Variants in GABRB1 observed in about 807,000 individuals in gnomAD.
GABRB1 encodes gamma-aminobutyric acid type A receptor subunit beta1.
In GABRB1, 17 loss-of-function variants were observed where a neutral mutation model predicts 51.6. That is an observed-to-expected ratio of 0.33 (90% CI 0.23 to 0.49). The LOEUF is 0.49. Ranked by LOEUF, GABRB1 falls within the 20% of genes least tolerant of loss-of-function variation. The pLI, the probability that GABRB1 is intolerant of heterozygous loss-of-function variation, is 0.99. For synonymous variants in GABRB1, 247 were observed against 218.9 expected (o/e 1.13, Z -1.14); for missense variants, 410 against 600.6 (o/e 0.68, Z 3.32).
chr4:47,072,369 A>G (rs1393350597), intron 3 of GABRB1, among the ~76,000 whole-genome samples: 2 of 152,138 alleles, frequency 1.3e-5, no homozygotes, highest in African/African-American at 4.8e-5. Context: ...GTTAGAGTTT[A>G]ATATTTTATA....
chr4:47,326,863 C>G (rs182206843), intron 5 of GABRB1, among the ~76,000 whole-genome samples: 2 of 152,158 alleles, frequency 1.3e-5, no homozygotes, highest in Non-Finnish European at 2.9e-5. Flanking sequence ...ACTGAGACAT[C>G]TATATCATAG....
intron 8 of GABRB1, among the ~76,000 whole-genome samples, chr4:47,413,680 T>C (rs1332347867): frequency 6.6e-6 from 1 of 152,228 alleles, no homozygotes; most frequent in Non-Finnish European, 1.5e-5. Context: ...CACTGGAGCA[T>C]AGAGTGGCCT....
At chr4:47,136,525 A>AT (rs35423493) in intron 3 of GABRB1, among the ~76,000 whole-genome samples, 62,202 of 151,634 alleles carry the variant, frequency 0.41, 13,268 homozygotes, top group African/African-American at 0.51. Context: ...ATTAAAAAAA[A>AT]ATATATAAAA....
chr4:47,028,619 C>T (rs1403708538), upstream of GABRB1, among the ~76,000 whole-genome samples: 1 of 151,324 alleles, frequency 6.6e-6, no homozygotes, highest in Non-Finnish European at 1.5e-5. Flanking sequence ...ACCCACATAT[C>T]ATGTTGTGGC....
intron 4 of GABRB1, among the ~76,000 whole-genome samples, chr4:47,295,947 C>T (rs988806219): frequency 6.6e-6 from 1 of 152,016 alleles, no homozygotes; most frequent in African/African-American, 2.4e-5. Flanking sequence ...GAGTGGGGGC[C>T]AATATTCAAC....
At chr4:47,241,119 A>G (rs1336196263) in intron 4 of GABRB1, among the ~76,000 whole-genome samples, 1 of 152,250 alleles carries the variant, frequency 6.6e-6, no homozygotes, top group Non-Finnish European at 1.5e-5. Flanking sequence ...TTAATTCTAC[A>G]GCATCATTTA....
chr4:47,204,841 T>C (rs1443359095), intron 4 of GABRB1, among the ~76,000 whole-genome samples: 1 of 152,172 alleles, frequency 6.6e-6, no homozygotes, highest in East Asian at 1.9e-4. Flanking sequence ...CCTTTGTAAA[T>C]TGCCCAGTCT....
chr4:47,079,625 TA>T (rs1727735514), intron 3 of GABRB1, among the ~76,000 whole-genome samples: 1 of 151,900 alleles, frequency 6.6e-6, no homozygotes, highest in South Asian at 2.1e-4. Flanking sequence ...TAGGCTGGAT[TA>T]AGAAAATGTG....
chr4:47,045,089 A>T (rs1726026078), intron 3 of GABRB1, among the ~76,000 whole-genome samples: 1 of 152,052 alleles, frequency 6.6e-6, no homozygotes, highest in Non-Finnish European at 1.5e-5. Context: ...ACTTCTTTTT[A>T]AGTTACAGCT....
At chr4:47,031,510 T>G, upstream of GABRB1, 1 of 675,034 alleles carries the variant, frequency 1.5e-6, no homozygotes, top group Non-Finnish European at 2.6e-6. Context: ...AGGAATATTG[T>G]TTGCAAGGCA....
intron 4 of GABRB1, among the ~76,000 whole-genome samples, chr4:47,190,786 A>G (rs1304243564): frequency 6.6e-6 from 1 of 152,124 alleles, no homozygotes; most frequent in Non-Finnish European, 1.5e-5. Context: ...TTGATTCAGT[A>G]GATTTGGGTG....
At chr4:47,178,523 T>C (rs940519043) in intron 4 of GABRB1, among the ~76,000 whole-genome samples, 3 of 152,106 alleles carry the variant, frequency 2.0e-5, no homozygotes, top group African/African-American at 4.8e-5. Context: ...AATAAAGCCA[T>C]TATCTTGGTG....
At chr4:47,215,671 T>G (rs762453929) in intron 4 of GABRB1, among the ~76,000 whole-genome samples, 1 of 152,106 alleles carries the variant, frequency 6.6e-6, no homozygotes, top group Non-Finnish European at 1.5e-5. Flanking sequence ...GAATAATTGT[T>G]AAATTTTATT....
upstream of GABRB1, among the ~76,000 whole-genome samples, chr4:47,029,722 A>G (rs561520579): frequency 3.9e-5 from 6 of 152,114 alleles, no homozygotes; most frequent in East Asian, 9.7e-4. Context: ...ATTTTCATGT[A>G]TGTAATGATG....
intron 4 of GABRB1, among the ~76,000 whole-genome samples, chr4:47,296,100 TGAAG>T (rs942498458): frequency 6.6e-6 from 1 of 152,082 alleles, no homozygotes; most frequent in African/African-American, 2.4e-5. Flanking sequence ...AAAGAGCTCC[TGAAG>T]GAAGCACTAA....
chr4:47,355,068 C>T (rs1578117877), intron 5 of GABRB1, among the ~76,000 whole-genome samples: 1 of 146,030 alleles, frequency 6.8e-6, no homozygotes, highest in East Asian at 2.0e-4. Context: ...TCACTGCAAC[C>T]TCCGCCTCCC....
intron 1 of GABRB1, among the ~76,000 whole-genome samples, chr4:47,020,538 T>G (rs991491926): frequency 4.6e-5 from 7 of 152,162 alleles, no homozygotes; most frequent in Non-Finnish European, 8.8e-5. Context: ...ATCCTCACCA[T>G]CTCAGAGAAT....
At chr4:47,235,380 C>T (rs899603651) in intron 4 of GABRB1, among the ~76,000 whole-genome samples, 11 of 152,110 alleles carry the variant, frequency 7.2e-5, no homozygotes, top group Non-Finnish European at 1.5e-4. Flanking sequence ...TGAAACCCGT[C>T]TCTACTAAAA....
chr4:47,062,499 G>A (rs1345700787), intron 3 of GABRB1, among the ~76,000 whole-genome samples: 1 of 151,238 alleles, frequency 6.6e-6, no homozygotes, highest in Non-Finnish European at 1.5e-5. Flanking sequence ...AAACAGATTA[G>A]GCAATTTATT....
Sources: allele counts gnomAD v4.1 joint callset (sites outside exome capture counted in the v4.1 genomes callset), GRCh38; gene constraint gnomAD v4.1.1; transcripts MANE v1.5; gene names NCBI Gene and HGNC (gene_info 2026-07-23, HGNC 2026-07-21).